Variants in CSMD2 observed in about 807,000 individuals in gnomAD.
CSMD2 encodes the protein CUB and Sushi multiple domains 2, also known as CUB and sushi domain-containing protein 2.
A neutral mutation model predicts 398.5 loss-of-function variants in CSMD2; 130 were observed. The ratio of observed to expected loss-of-function variants is 0.33; its 90% CI spans 0.28 to 0.38. CSMD2 has a LOEUF of 0.38. Ranked by LOEUF, CSMD2 falls within the 10% of genes least tolerant of loss-of-function variation. CSMD2 has a pLI of 1.00. For missense variants in CSMD2, 3,829 were observed against 4,764.9 expected, an observed-to-expected ratio of 0.80 and a Z score of 5.78; for synonymous variants, 1,828 against 1,908.5, an observed-to-expected ratio of 0.96 and a Z score of 1.10.
chr1:34,088,898 A>T, intron 2 of CSMD2, 79 bp downstream of exon 2: 1 of 1,202,542 alleles, frequency 8.3e-7, no homozygotes, highest in Non-Finnish European at 1.2e-6. Flanking sequence ...TAAACTTTTC[A>T]CTCGAGAAAG....
chr1:33,521,428 C>T (rs368499050), intron 68 of CSMD2, 35 bp downstream of exon 68: 62 of 1,165,490 alleles, frequency 5.3e-5, no homozygotes, highest in Admixed American at 1.0e-4. Flanking sequence ...CCCACCCACC[C>T]GGGCCCACAC....
chr1:33,580,495 C>T (rs1393291421), intron 48 of CSMD2, among the ~76,000 whole-genome samples: 2 of 152,178 alleles, frequency 1.3e-5, no homozygotes, highest in Non-Finnish European at 2.9e-5. Context: ...CCTAAAGGGA[C>T]AGGATCACTG....
chr1:33,645,328 T>C (rs1387074708), intron 29 of CSMD2, among the ~76,000 whole-genome samples: 2 of 145,940 alleles, frequency 1.4e-5, no homozygotes, highest in Non-Finnish European at 3.0e-5. Context: ...GAGTGTTTAG[T>C]ACATATGGAG....
At chr1:33,771,014 C>G (rs950788125) in intron 13 of CSMD2, among the ~76,000 whole-genome samples, 1 of 152,216 alleles carries the variant, frequency 6.6e-6, no homozygotes, top group African/African-American at 2.4e-5. Context: ...CTGCTACCTG[C>G]CTCTTTCAGC....
intron 5 of CSMD2, chr1:33,882,175 TA>T (rs1380314196): frequency 2.6e-5 from 4 of 152,204 alleles, no homozygotes; most frequent in Middle Eastern, 3.2e-3. Context: ...CATGAAGTTC[TA>T]AGAGGTTCAG....
chr1:34,036,390 C>T (rs1223612297), intron 2 of CSMD2, among the ~76,000 whole-genome samples: 3 of 151,940 alleles, frequency 2.0e-5, no homozygotes, highest in African/African-American at 7.3e-5. Flanking sequence ...GGTCATTAAG[C>T]CAAGTAGGGA....
chr1:33,720,857 C>G lies in CSMD2; in HGVS notation c.3001+3340G>C, dbSNP rs540816617. ...GGATTACAGGCATGTGCCACCCCCG[C>G]CAAATAATTTTTTTTGTATTTTTAG... On this transcript the variant is annotated intron_variant, in intron 19 of 70. Coordinates refer to ENST00000373381, the MANE Select transcript of CSMD2 (RefSeq NM_001281956.2). 1.2e-4 allele frequency among the ~76,000 whole-genome samples: 18 copies of G among 152,230 alleles called. No individual in the cohort carries two copies. In the East Asian group the frequency reaches 3.5e-3, roughly 29 times the overall value.
intron 1 of CSMD2, among the ~76,000 whole-genome samples, chr1:34,135,846 T>C (rs1638700810): frequency 6.6e-6 from 1 of 152,128 alleles, no homozygotes; most frequent in African/African-American, 2.4e-5. Flanking sequence ...TACATTTTCT[T>C]ACATGTTTTG....
intron 6 of CSMD2, chr1:33,838,732 T>C (rs1168986682): frequency 6.6e-6 from 1 of 152,266 alleles, no homozygotes; most frequent in East Asian, 1.9e-4. Flanking sequence ...TAGGGAAGCC[T>C]CAAAGTAACA....
chr1:33,961,391 G>T (rs1461201100), intron 3 of CSMD2, among the ~76,000 whole-genome samples: 1 of 152,238 alleles, frequency 6.6e-6, no homozygotes, highest in East Asian at 1.9e-4. Context: ...GAGTCTTCTG[G>T]CCTTGCATGC....
intron 12 of CSMD2, among the ~76,000 whole-genome samples, chr1:33,775,495 C>A (rs1162356824): frequency 6.6e-6 from 1 of 152,158 alleles, no homozygotes; most frequent in Non-Finnish European, 1.5e-5. Context: ...TCAGGAAAGG[C>A]TTCTTGGAGG....
chr1:34,101,916 TACTA>T (rs1336151275), intron 1 of CSMD2, among the ~76,000 whole-genome samples: 4 of 152,248 alleles, frequency 2.6e-5, no homozygotes, highest in Non-Finnish European at 5.9e-5. Flanking sequence ...TGTTAATTTG[TACTA>T]ACTCTTTATA....
At chr1:33,562,479 G>C (rs1051688643) in intron 53 of CSMD2, among the ~76,000 whole-genome samples, 8 of 152,222 alleles carry the variant, frequency 5.3e-5, no homozygotes, top group African/African-American at 1.9e-4. Context: ...TGTTGACTGG[G>C]ATGGAAGTTC....
At chr1:33,573,193 C>T (rs1659752055) in intron 49 of CSMD2, among the ~76,000 whole-genome samples, 2 of 152,166 alleles carry the variant, frequency 1.3e-5, no homozygotes, top group Admixed American at 1.3e-4. Flanking sequence ...TCAACTCAAC[C>T]TCTCACTGAT....
intron 1 of CSMD2, among the ~76,000 whole-genome samples, chr1:34,100,556 G>A (rs1163459827): frequency 6.6e-6 from 1 of 151,954 alleles, no homozygotes; most frequent in East Asian, 1.9e-4. Context: ...CCACTCCCCT[G>A]TTGATGGCCA....
At chr1:33,697,040 C>T (rs960455203) in intron 24 of CSMD2, among the ~76,000 whole-genome samples, 1 of 152,208 alleles carries the variant, frequency 6.6e-6, no homozygotes, top group Non-Finnish European at 1.5e-5. Flanking sequence ...TGGGGAAGGC[C>T]TCCAAGGTTC....
At chr1:33,894,547 C>A (rs964761884) in intron 5 of CSMD2, among the ~76,000 whole-genome samples, 13 of 152,092 alleles carry the variant, frequency 8.5e-5, no homozygotes, top group African/African-American at 2.9e-4. Context: ...TTCTGCAGAC[C>A]TGGGTTTCCT....
intron 10 of CSMD2, among the ~76,000 whole-genome samples, chr1:33,803,981 G>A (rs1237910603): frequency 6.6e-6 from 1 of 152,232 alleles, no homozygotes; most frequent in Non-Finnish European, 1.5e-5. Context: ...TTTGGAGCTA[G>A]AAAGACGGGG....
chr1:33,795,865 T>TCCTGCTTC (rs1654892245), intron 10 of CSMD2, among the ~76,000 whole-genome samples: 1 of 152,230 alleles, frequency 6.6e-6, no homozygotes, highest in Non-Finnish European at 1.5e-5. Context: ...TCCAAAGCTT[T>TCCTGCTTC]CCTGCTTCTC....
Sources: allele counts gnomAD v4.1 joint callset (sites outside exome capture counted in the v4.1 genomes callset), GRCh38; gene constraint gnomAD v4.1.1; transcripts MANE v1.5; gene names NCBI Gene and HGNC (gene_info 2026-07-23, HGNC 2026-07-21).